RPS6KA2: variants seen among roughly 807,000 people sequenced by gnomAD.
RPS6KA2 encodes the protein ribosomal protein S6 kinase A2, also known as ribosomal protein S6 kinase alpha-2.
Under a neutral mutation model 91.8 loss-of-function variants are expected in RPS6KA2, and 42 were observed. The observed-to-expected ratio is 0.46, with a 90% CI of 0.36 to 0.59. The LOEUF is 0.59. Ranked by LOEUF, RPS6KA2 falls within the 20% of genes least tolerant of loss-of-function variation. The probability of loss-of-function intolerance (pLI) is 0.00; values close to 1 mark genes in which losing one functional copy is unlikely to be tolerated. For synonymous variants in RPS6KA2, 414 were observed against 393.6 expected (o/e 1.05, Z -0.61); for missense variants, 798 against 978.5 (o/e 0.82, Z 2.46).
chr6:166,776,584 T>A (rs147470764), intron 2 of RPS6KA2, among the ~76,000 whole-genome samples: 4 of 152,138 alleles, frequency 2.6e-5, no homozygotes, highest in African/African-American at 4.8e-5. Flanking sequence ...GCCCTCCCAG[T>A]CCCTGGCAAC....
chr6:166,475,570 C>T (rs890245870), intron 10 of RPS6KA2, among the ~76,000 whole-genome samples: 16 of 152,202 alleles, frequency 1.1e-4, no homozygotes, highest in Non-Finnish European at 2.2e-4. Context: ...TCTGTCGCCC[C>T]CACTCAAATA....
chr6:166,480,030 C>T (rs770305761), intron 10 of RPS6KA2, among the ~76,000 whole-genome samples: 10 of 152,092 alleles, frequency 6.6e-5, no homozygotes, highest in Non-Finnish European at 1.3e-4. Flanking sequence ...GTTTCAGCTT[C>T]CATATCTCTC....
intron 1 of RPS6KA2, among the ~76,000 whole-genome samples, chr6:166,861,455 C>A (rs577967294): frequency 3.3e-5 from 5 of 152,302 alleles, no homozygotes; most frequent in African/African-American, 1.2e-4. Flanking sequence ...AATCAGATTC[C>A]GTGGAGCAGA....
In RPS6KA2 at chr6:166,459,382, T is replaced by C; in HGVS notation, c.1075+67A>G. Reference sequence around the variant, plus strand: ...CTGAGGCATGGGAATTTCTTGTTCCTAGATATCTGTCTCTAAGGGGTCAGG... The same window carrying C: ...CTGAGGCATGGGAATTTCTTGTTCCCAGATATCTGTCTCTAAGGGGTCAGG... On this transcript the variant is annotated intron_variant, in intron 12 of 20. Coordinates refer to ENST00000265678, the MANE Select transcript of RPS6KA2 (RefSeq NM_021135.6). This position sits in a 1 kb window ranked among gnomAD's most constrained non-coding sequence, Gnocchi z 4.9. The C allele has an allele frequency of 1.1e-6, 1 of 914,912 alleles. No homozygotes were observed. The highest frequency in any genetic ancestry group is 1.7e-6 in the Non-Finnish European group (1 of 573,208). The allele number at this position is 914,912 out of a possible 1,614,324, so 56.7% of individuals were successfully genotyped here.
At chr6:166,660,582 GA>G (rs1312124737) in intron 2 of RPS6KA2, among the ~76,000 whole-genome samples, 3 of 152,150 alleles carry the variant, frequency 2.0e-5, no homozygotes, top group Admixed American at 6.5e-5. Context: ...TCTATTTGAA[GA>G]AACATAAAGT....
chr6:166,541,135 G>A (rs1016216022), intron 1 of RPS6KA2, among the ~76,000 whole-genome samples: 1 of 152,116 alleles, frequency 6.6e-6, no homozygotes, highest in Non-Finnish European at 1.5e-5. Flanking sequence ...GTGTTAATGC[G>A]ACGCCCACAC....
intron 1 of RPS6KA2, among the ~76,000 whole-genome samples, chr6:166,623,192 G>A (rs150118903): frequency 6.6e-6 from 1 of 152,342 alleles, no homozygotes; most frequent in African/African-American, 2.4e-5. Flanking sequence ...ACTAATAACT[G>A]CTTCCTAAAT....
At chr6:166,755,693 C>T (rs1777988751) in intron 2 of RPS6KA2, among the ~76,000 whole-genome samples, 1 of 152,100 alleles carries the variant, frequency 6.6e-6, no homozygotes, top group South Asian at 2.1e-4. Context: ...ATTAGCTTAG[C>T]CTTGTATGGA....
chr6:166,414,947 C>T (rs1221840537), intron 19 of RPS6KA2, among the ~76,000 whole-genome samples: 8 of 152,186 alleles, frequency 5.3e-5, no homozygotes, highest in African/African-American at 1.9e-4. Context: ...CGCCTATAAT[C>T]CCAGCTACCT....
intron 2 of RPS6KA2, among the ~76,000 whole-genome samples, chr6:166,718,857 T>C (rs978919961): frequency 6.6e-6 from 1 of 152,252 alleles, no homozygotes. Context: ...TGCTTTTTCA[T>C]GAACCTAGAG....
intron 5 of RPS6KA2, among the ~76,000 whole-genome samples, chr6:166,505,447 T>C (rs1036127185): frequency 6.6e-6 from 1 of 152,280 alleles, no homozygotes; most frequent in East Asian, 1.9e-4. Context: ...GTAGACCCCC[T>C]TAAGAGGAAG....
intron 2 of RPS6KA2, among the ~76,000 whole-genome samples, chr6:166,847,810 A>G (rs1315715314): frequency 6.6e-6 from 1 of 152,250 alleles, no homozygotes; most frequent in Admixed American, 6.5e-5. Flanking sequence ...CAAAAATTCT[A>G]GAAGATAACA....
chr6:166,477,665 T>G (rs982298472), intron 10 of RPS6KA2, among the ~76,000 whole-genome samples: 2 of 152,184 alleles, frequency 1.3e-5, no homozygotes, highest in African/African-American at 4.8e-5. Flanking sequence ...TGTAATCTCA[T>G]GTTGGGAGGC....
At chr6:166,452,593 T>C (rs1779952573) in intron 12 of RPS6KA2, among the ~76,000 whole-genome samples, 1 of 152,188 alleles carries the variant, frequency 6.6e-6, no homozygotes, top group Non-Finnish European at 1.5e-5. Flanking sequence ...AAGGAGATAG[T>C]AACTAAAATA....
chr6:166,498,544 C>CGT lies in RPS6KA2; in HGVS notation c.709_710dup (p.Gln238ArgfsTer83). ...CGAAGGACCACCAGTCGGCACTCTG[C>CGT]GTGTGTCCTCGCCGGTTCACCACCT... On this transcript the variant is annotated frameshift_variant, in exon 8 of 21. Coordinates refer to ENST00000265678, the MANE Select transcript of RPS6KA2 (RefSeq NM_021135.6). LOFTEE classifies it high-confidence loss of function. 6.2e-7 allele frequency: 1 copy of CGT among 1,613,372 alleles called. No individual in the cohort carries two copies.
chr6:166,755,448 T>C (rs573546196), intron 2 of RPS6KA2, among the ~76,000 whole-genome samples: 6 of 152,322 alleles, frequency 3.9e-5, no homozygotes, highest in African/African-American at 1.4e-4. Flanking sequence ...GAAAGAGATG[T>C]GTTTACCTAC....
rs549276117 is a variant in RPS6KA2, at chr6:166,834,997, G to A, written c.123+23203C>T. 1.0e-3 allele frequency among the ~76,000 whole-genome samples: 153 copies of A among 152,202 alleles called. 1 individual carries two copies. Among genetic ancestry groups the A allele is most frequent in the African/African-American group, 2.9e-3 (122 of 41,526 alleles). ...ATTTTTAGTTACTTTTATAAACAAT[G>A]CAAACACCAAGGCTTATCTTTTTGT... On this transcript the variant is annotated intron_variant, in intron 2 of 21. Transcript: ENST00000503859.
intron 2 of RPS6KA2, among the ~76,000 whole-genome samples, chr6:166,789,888 G>C (rs1779037065): frequency 6.6e-6 from 1 of 152,138 alleles, no homozygotes; most frequent in Admixed American, 6.5e-5. Context: ...AAGACCAAAA[G>C]TAGATAAAAC....
intron 2 of RPS6KA2, among the ~76,000 whole-genome samples, chr6:166,652,890 G>T (rs151013120): frequency 3.9e-5 from 6 of 152,160 alleles, no homozygotes; most frequent in Non-Finnish European, 7.3e-5. Flanking sequence ...CAACTCAGCC[G>T]CCTGTCTCCC....
Sources: gnomAD v4.1 joint callset for allele counts (sites outside exome capture counted in the v4.1 genomes callset) on GRCh38, gnomAD v4.1.1 for gene constraint, Gnocchi (gnomAD v3.1) non-coding constraint, MANE v1.5 for transcripts, NCBI Gene and HGNC (gene_info 2026-07-23, HGNC 2026-07-21) for gene names.